CSGALNACT1: variants seen among roughly 807,000 people sequenced by gnomAD.
CSGALNACT1 encodes the protein beta4GalNAcT-1.
Under a neutral mutation model 51.0 loss-of-function variants are expected in CSGALNACT1, and 52 were observed. That is an observed-to-expected ratio of 1.02 (90% CI 0.82 to 1.29). CSGALNACT1 has a LOEUF of 1.29. Ranked by LOEUF, CSGALNACT1 falls within the 50% of genes most tolerant of loss-of-function variation. The pLI, the probability that CSGALNACT1 is intolerant of heterozygous loss-of-function variation, is 0.00. For missense variants in CSGALNACT1, 935 were observed against 679.2 expected (o/e 1.38, Z -4.19); for synonymous variants, 341 against 254.4 (o/e 1.34, Z -3.24).
At position 19,689,361 on chromosome 8, in the gene CSGALNACT1, A is replaced by T. The variant is rs181992648; in HGVS notation, c.-297+68489T>A. Among the ~76,000 whole-genome samples, 1,218 of 152,306 alleles carry T rather than the reference A, an allele frequency of 8.0e-3. 8 individuals are homozygous for T. Among genetic ancestry groups the T allele is most frequent in the Admixed American group, 0.014 (217 of 15,298 alleles). On this transcript the variant is annotated intron_variant, in intron 1 of 1. Coordinates refer to the CSGALNACT1 transcript ENST00000517494. Reference sequence around the variant, plus strand: ...CCTGGACCCCAACTGAGCTCTGGTCAACAGCCTTTTGAGCAGCCATCTTGA... The same window carrying T: ...CCTGGACCCCAACTGAGCTCTGGTCTACAGCCTTTTGAGCAGCCATCTTGA...
chr8:19,428,649 G>A lies in CSGALNACT1; in HGVS notation c.954-8131C>T, dbSNP rs561735036. 2.0e-5 allele frequency among the ~76,000 whole-genome samples: 3 copies of A among 152,134 alleles called. No homozygotes were observed. The South Asian group carries it at 6.2e-4, about 32-fold the overall frequency. ...CCTACATAAGGACTGGCGAATAGTG[G>A]ATACTGTGCTTTTACATCATTAAGT... On this transcript the variant is annotated intron_variant, in intron 6 of 9. Coordinates refer to ENST00000454498, the Ensembl canonical transcript of CSGALNACT1.
intron 1 of CSGALNACT1, among the ~76,000 whole-genome samples, chr8:19,629,190 T>G (rs2054871519): frequency 6.6e-6 from 1 of 152,132 alleles, no homozygotes. Flanking sequence ...GAAAGAGACT[T>G]AAATCGAAAA....
chr8:19,571,933 G>C (rs2043137903), intron 3 of CSGALNACT1, among the ~76,000 whole-genome samples: 1 of 152,132 alleles, frequency 6.6e-6, no homozygotes, highest in Non-Finnish European at 1.5e-5. Context: ...CCAATTATTT[G>C]GATTAAAACT....
intron 5 of CSGALNACT1, among the ~76,000 whole-genome samples, chr8:19,440,847 G>T (rs1388165171): frequency 1.3e-5 from 2 of 152,116 alleles, no homozygotes; most frequent in Non-Finnish European, 2.9e-5. Flanking sequence ...ATCTCCCTAA[G>T]CTGATAAGCA....
intron 5 of CSGALNACT1, among the ~76,000 whole-genome samples, chr8:19,451,189 G>A (rs889407133): frequency 6.6e-6 from 1 of 152,172 alleles, no homozygotes; most frequent in African/African-American, 2.4e-5. Context: ...TCACCCAACA[G>A]ATGACAGACT....
At chr8:19,463,279 T>C (rs985553244) in intron 4 of CSGALNACT1, among the ~76,000 whole-genome samples, 1 of 152,162 alleles carries the variant, frequency 6.6e-6, no homozygotes, top group African/African-American at 2.4e-5. Context: ...CACAATTTCA[T>C]CTCTTTTAAA....
At chr8:19,517,512 C>A (rs2079799581) in intron 3 of CSGALNACT1, among the ~76,000 whole-genome samples, 1 of 152,082 alleles carries the variant, frequency 6.6e-6, no homozygotes. Flanking sequence ...GGCTCTCCTG[C>A]AAAACACTGT....
intron 5 of CSGALNACT1, among the ~76,000 whole-genome samples, chr8:19,445,033 A>C (rs1349387219): frequency 6.6e-6 from 1 of 152,212 alleles, no homozygotes; most frequent in East Asian, 1.9e-4. Context: ...AAGAAAGAGC[A>C]CCTCAGGAAC....
chr8:19,583,433 A>G (rs1323510494), intron 3 of CSGALNACT1, among the ~76,000 whole-genome samples: 1 of 152,152 alleles, frequency 6.6e-6, no homozygotes, highest in Non-Finnish European at 1.5e-5. Flanking sequence ...ATGTCTTGAG[A>G]AGAAAAAATC....
intron 5 of CSGALNACT1, among the ~76,000 whole-genome samples, chr8:19,449,597 G>A (rs968644053): frequency 2.6e-5 from 4 of 151,966 alleles, no homozygotes; most frequent in Admixed American, 6.5e-5. Flanking sequence ...AATGGTTCTA[G>A]GCCAAAAAAA....
chr8:19,754,419 A>C (rs1158262334), intron 1 of CSGALNACT1, among the ~76,000 whole-genome samples: 1 of 152,240 alleles, frequency 6.6e-6, no homozygotes, highest in Admixed American at 6.5e-5. Context: ...TTTAGGAAAT[A>C]AAACCATTTT....
rs148556486 is a variant in CSGALNACT1, at chr8:19,499,555, C to T, written c.634+5646G>A. Among the ~76,000 whole-genome samples the T allele has an allele frequency of 4.5e-4, 68 of 152,316 alleles. 1 individual carries two copies. Among genetic ancestry groups the T allele is most frequent in the African/African-American group, 1.5e-3 (61 of 41,570 alleles). On this transcript the variant is annotated intron_variant, in intron 4 of 9. Coordinates refer to ENST00000454498, the Ensembl canonical transcript of CSGALNACT1. ...AATTGACAGCAAAATCACCACAACA[C>T]AAGGCCTGATTTGCCAGCTTCTGCA...
intron 1 of CSGALNACT1, among the ~76,000 whole-genome samples, chr8:19,663,285 T>A (rs557586628): frequency 6.6e-6 from 1 of 152,128 alleles, no homozygotes; most frequent in Non-Finnish European, 1.5e-5. Flanking sequence ...TACCTGAGGT[T>A]TTTTTCTCCC....
chr8:19,601,567 T>A (rs910424463), intron 2 of CSGALNACT1, among the ~76,000 whole-genome samples: 1 of 152,208 alleles, frequency 6.6e-6, no homozygotes, highest in African/African-American at 2.4e-5. Flanking sequence ...TGTTACAGCC[T>A]TTAAAAAGTG....
intron 3 of CSGALNACT1, among the ~76,000 whole-genome samples, chr8:19,518,316 A>T (rs2154026743): frequency 6.6e-6 from 1 of 152,340 alleles, no homozygotes; most frequent in East Asian, 1.9e-4. Context: ...GATGATTAAC[A>T]GCAGGAACTA....
chr8:19,452,283 T>C (rs564506589), intron 5 of CSGALNACT1, among the ~76,000 whole-genome samples: 1 of 152,218 alleles, frequency 6.6e-6, no homozygotes, highest in South Asian at 2.1e-4. Flanking sequence ...ACAAGAGACC[T>C]TGGCTTCCAC....
chr8:19,726,926 T>G (rs936479352), intron 1 of CSGALNACT1, among the ~76,000 whole-genome samples: 1 of 152,190 alleles, frequency 6.6e-6, no homozygotes, highest in African/African-American at 2.4e-5. Context: ...ACTAAGGCAG[T>G]TCTAGAAGCT....
At chr8:19,474,258 C>G (rs2068874724) in intron 4 of CSGALNACT1, among the ~76,000 whole-genome samples, 1 of 152,136 alleles carries the variant, frequency 6.6e-6, no homozygotes, top group Admixed American at 6.5e-5. Flanking sequence ...GGAAAACAAT[C>G]TATGTGAAAA....
intron 1 of CSGALNACT1, among the ~76,000 whole-genome samples, chr8:19,745,776 C>T (rs140085693): frequency 4.6e-5 from 7 of 152,222 alleles, no homozygotes; most frequent in African/African-American, 1.2e-4. Flanking sequence ...CACAGAAAGT[C>T]GATCTCAGAG....
Sources: gnomAD v4.1 joint callset for allele counts (sites outside exome capture counted in the v4.1 genomes callset) on GRCh38, gnomAD v4.1.1 for gene constraint, MANE v1.5 for transcripts, NCBI Gene and HGNC (gene_info 2026-07-23, HGNC 2026-07-21) for gene names.